SPATA6: variants seen among roughly 807,000 people sequenced by gnomAD.
SPATA6 encodes spermatogenesis-associated protein 6.
Under a neutral mutation model 65.3 loss-of-function variants are expected in SPATA6, and 56 were observed. The ratio of observed to expected loss-of-function variants is 0.86; its 90% CI spans 0.69 to 1.07. The LOEUF is 1.07. Ranked by LOEUF, SPATA6 falls within the 50% of genes least tolerant of loss-of-function variation. SPATA6 has a pLI of 0.00. For synonymous variants in SPATA6, 199 were observed against 213.2 expected, an observed-to-expected ratio of 0.93 and a Z score of 0.58; for missense variants, 590 against 594.8, an observed-to-expected ratio of 0.99 and a Z score of 0.08.
chr1:48,399,592 T>G lies in SPATA6; in HGVS notation c.539A>C (p.Gln180Pro), dbSNP rs770256685. Residue 180 changes from glutamine (Q) to proline (P), a missense_variant, in exon 7 of 13, where the codon CAA becomes CCA. Transcript: ENST00000371847. ...APVEKSHGRL[Q>P]NRTSRSQKKK... is the part of the protein sequence containing the mutation. ...CTTTTGTGATCTTGATGTTCTGTTT[T>G]GCAGTCTGCCATGTGATTTTTCAAC... 3.0e-5 allele frequency: 48 copies of G among 1,611,200 alleles called. No individual in the cohort carries two copies. The highest frequency in any genetic ancestry group is 3.8e-5 in the Non-Finnish European group (45 of 1,178,480).
the SPATA6 span, among the ~76,000 whole-genome samples, chr1:48,281,070 C>CA: frequency 6.6e-6 from 1 of 152,096 alleles, no homozygotes; most frequent in African/African-American, 2.4e-5. Flanking sequence ...TAAACAGAAC[C>CA]AAAGACAAAC....
chr1:48,466,760 C>G (rs1440278227), intron 1 of SPATA6, among the ~76,000 whole-genome samples: 1 of 151,932 alleles, frequency 6.6e-6, no homozygotes, highest in African/African-American at 2.4e-5. Context: ...GACTGAGACA[C>G]TACCTACAGT....
chr1:48,442,545 CAG>C (rs1217047444), intron 3 of SPATA6, among the ~76,000 whole-genome samples: 1 of 149,896 alleles, frequency 6.7e-6, no homozygotes, highest in Non-Finnish European at 1.5e-5. Context: ...GACAGAAAGT[CAG>C]AGAGACTGAG....
intron 1 of SPATA6, among the ~76,000 whole-genome samples, chr1:48,469,645 G>A (rs1421757285): frequency 2.0e-5 from 3 of 151,960 alleles, no homozygotes; most frequent in African/African-American, 7.3e-5. Context: ...TCTTGAACTT[G>A]AACCATGTAA....
chr1:48,329,503 A>G (rs1434868074), intron 11 of SPATA6, among the ~76,000 whole-genome samples: 1 of 152,230 alleles, frequency 6.6e-6, no homozygotes, highest in Non-Finnish European at 1.5e-5. Flanking sequence ...ACATAGGGGG[A>G]CAAATTAAAC....
chr1:48,331,281 G>T (rs556326426), intron 11 of SPATA6, among the ~76,000 whole-genome samples: 1 of 151,958 alleles, frequency 6.6e-6, no homozygotes, highest in Non-Finnish European at 1.5e-5. Flanking sequence ...AATGAAGATC[G>T]TCGAGATTCA....
the SPATA6 span, among the ~76,000 whole-genome samples, chr1:48,261,429 T>C: frequency 6.6e-6 from 1 of 152,132 alleles, no homozygotes; most frequent in Non-Finnish European, 1.5e-5. Flanking sequence ...TTTAGGATAT[T>C]CTATTACGAA....
chr1:48,352,774 T>G (rs1390751278), intron 11 of SPATA6, among the ~76,000 whole-genome samples: 1 of 151,868 alleles, frequency 6.6e-6, no homozygotes, highest in Non-Finnish European at 1.5e-5. Flanking sequence ...ATAGGAAAAC[T>G]ACTATGTCAA....
chr1:48,443,716 C>A (rs529021277), intron 3 of SPATA6, among the ~76,000 whole-genome samples: 29 of 152,204 alleles, frequency 1.9e-4, no homozygotes, highest in Non-Finnish European at 4.0e-4. Context: ...AATCAGACAA[C>A]GCCTGTCAAA....
chr1:48,374,822 C>CA (rs1647699255), intron 9 of SPATA6, among the ~76,000 whole-genome samples: 1 of 152,160 alleles, frequency 6.6e-6, no homozygotes, highest in Non-Finnish European at 1.5e-5. Context: ...TAGAATCCCA[C>CA]ACTGAAAGCT....
intron 1 of SPATA6, among the ~76,000 whole-genome samples, chr1:48,463,442 TAA>T (rs1253578890): frequency 1.3e-5 from 2 of 152,150 alleles, no homozygotes; most frequent in African/African-American, 4.8e-5. Flanking sequence ...GTTCATAAGC[TAA>T]AGTAGAAATC....
At chr1:48,415,733 A>T (rs1652711949) in intron 3 of SPATA6, among the ~76,000 whole-genome samples, 1 of 151,646 alleles carries the variant, frequency 6.6e-6, no homozygotes, top group African/African-American at 2.4e-5. Context: ...GAAAGAGAAG[A>T]AACAGAAAAA....
intron 6 of SPATA6, among the ~76,000 whole-genome samples, chr1:48,401,558 A>G (rs1283638286): frequency 3.3e-5 from 5 of 152,136 alleles, no homozygotes; most frequent in African/African-American, 9.6e-5. Context: ...AGACACTTCA[A>G]AAGTGCTTAT....
intron 3 of SPATA6, among the ~76,000 whole-genome samples, chr1:48,421,687 A>G (rs1004016161): frequency 1.3e-5 from 2 of 152,168 alleles, no homozygotes; most frequent in African/African-American, 4.8e-5. Context: ...AAAGAGAAAA[A>G]AAGAAAACAA....
At chr1:48,390,283 T>TG (rs1407910624) in intron 8 of SPATA6, among the ~76,000 whole-genome samples, 5 of 152,224 alleles carry the variant, frequency 3.3e-5, no homozygotes, top group Admixed American at 6.5e-5. Flanking sequence ...TGAATGGAAC[T>TG]GGGGGGTCAT....
At chr1:48,425,480 A>T (rs12569234) in intron 3 of SPATA6, among the ~76,000 whole-genome samples, 23,814 of 152,150 alleles carry the variant, frequency 0.16, 2,153 homozygotes, top group East Asian at 0.43. Context: ...TTTGCTTTAG[A>T]CACTTTAGTA....
the SPATA6 span, among the ~76,000 whole-genome samples, chr1:48,275,278 T>A: frequency 6.6e-6 from 1 of 152,236 alleles, no homozygotes; most frequent in African/African-American, 2.4e-5. Flanking sequence ...AATCATGTCA[T>A]CTGCAAAGAG....
intron 9 of SPATA6, among the ~76,000 whole-genome samples, chr1:48,367,265 A>C (rs186343092): frequency 4.9e-4 from 75 of 152,276 alleles, no homozygotes; most frequent in Non-Finnish European, 9.0e-4. Context: ...AAAAGAATGT[A>C]TATTCTGTTG....
At chr1:48,280,176 C>T in the SPATA6 span, among the ~76,000 whole-genome samples, 2 of 152,010 alleles carry the variant, frequency 1.3e-5, no homozygotes, top group African/African-American at 2.4e-5. Flanking sequence ...GGGACACATT[C>T]AAAGCAGTGT....
Sources: gnomAD v4.1 joint callset for allele counts (sites outside exome capture counted in the v4.1 genomes callset) on GRCh38, gnomAD v4.1.1 for gene constraint, MANE v1.5 for transcripts, NCBI Gene and HGNC (gene_info 2026-07-23, HGNC 2026-07-21) for gene names.